Variants in DNER observed in about 807,000 individuals in gnomAD.
DNER encodes delta/notch like EGF repeat containing, also known as delta and Notch-like epidermal growth factor-related receptor.
In DNER, 33 loss-of-function variants were observed where a neutral mutation model predicts 78.2. The ratio of observed to expected loss-of-function variants is 0.42; its 90% confidence interval spans 0.32 to 0.56. The LOEUF (loss-of-function observed/expected upper bound fraction) is 0.56, where lower values mean the gene tolerates loss of function less well. DNER is among the 20% of genes least tolerant of loss of function. DNER has a pLI of 0.11. For synonymous variants in DNER, 417 were observed against 384.8 expected, an observed-to-expected ratio of 1.08 and a Z score of -0.98; for missense variants, 918 against 975.3, an observed-to-expected ratio of 0.94 and a Z score of 0.78.
intron 6 of DNER, among the ~76,000 whole-genome samples, chr2:229,488,501 CGT>C (rs1421311101): frequency 3.9e-5 from 6 of 152,140 alleles, no homozygotes; most frequent in Non-Finnish European, 8.8e-5. Context: ...TGTGTTCTTG[CGT>C]GTGTGTTTTC....
chr2:229,714,273 G>A lies in DNER; in HGVS notation c.151C>T (p.Gln51Ter). Reference protein sequence around the residue: ...PLSAPGPCAAQPCRNGGVCTS... With the variant: ...PLSAPGPCAA Reference sequence around the variant, plus strand: ...CACACACCCCCATTCCGGCAGGGCTGCGCGGCGCACGGCCCGGGCGCAGAC... The same window carrying A: ...CACACACCCCCATTCCGGCAGGGCTACGCGGCGCACGGCCCGGGCGCAGAC... The change falls in exon 1 of 13, where the codon CAG (glutamine) becomes TAG (stop). Residue 51 changes from glutamine (Q) to a stop codon, truncating the protein, a stop_gained. Coordinates refer to ENST00000341772, the MANE Select transcript of DNER (RefSeq NM_139072.4). LOFTEE classifies it high-confidence loss of function. 1 of 1,388,598 alleles carries A rather than the reference G, an allele frequency of 7.2e-7. No homozygotes were observed. The allele number at this position is 1,388,598 out of a possible 1,614,324, so 86.0% of individuals were successfully genotyped here. A position where few individuals can be genotyped will look rare whatever the true frequency, so the allele number is the denominator to read the frequency against.
intron 8 of DNER, among the ~76,000 whole-genome samples, chr2:229,434,238 G>A (rs1307663727): frequency 6.6e-6 from 1 of 152,198 alleles, no homozygotes; most frequent in Non-Finnish European, 1.5e-5. Flanking sequence ...CAGGCACAAT[G>A]CAATCGTGTC....
Position 229,547,110 on chromosome 2 carries a change from A to G in DNER, c.848-18T>C. ...CACAAAACCTAAAAGAAAATGAGGC[A>G]AAAGGAAATTGTCAAGTGTCTCCTC... On this transcript the variant is annotated intron_variant, in intron 4 of 12. Transcript: ENST00000341772. 1.2e-6 allele frequency: 2 copies of G among 1,613,536 alleles called. No individual in the cohort carries two copies. Among genetic ancestry groups the G allele is most frequent in the Admixed American group, 1.7e-5 (1 of 59,996 alleles).
chr2:229,467,748 A>G (rs114602305), intron 7 of DNER, among the ~76,000 whole-genome samples: 3,566 of 152,362 alleles, frequency 0.023, 72 homozygotes, highest in Middle Eastern at 0.048. Flanking sequence ...GAACCATGAT[A>G]TAATATGAAT....
intron 6 of DNER, among the ~76,000 whole-genome samples, chr2:229,509,925 GT>G (rs1695830057): frequency 6.6e-6 from 1 of 152,172 alleles, no homozygotes; most frequent in Non-Finnish European, 1.5e-5. Context: ...GGAATACAGG[GT>G]TATAGAAGAG....
At chr2:229,436,258 T>C (rs1288902409) in intron 8 of DNER, among the ~76,000 whole-genome samples, 2 of 152,332 alleles carry the variant, frequency 1.3e-5, no homozygotes, top group East Asian at 3.9e-4. Context: ...GATCCATACA[T>C]GTTACTGCAA....
At chr2:229,663,714 G>A (rs1699045078) in intron 1 of DNER, among the ~76,000 whole-genome samples, 1 of 152,184 alleles carries the variant, frequency 6.6e-6, no homozygotes, top group Admixed American at 6.5e-5. Flanking sequence ...TGGAAATATG[G>A]CATGAATCCT....
intron 7 of DNER, among the ~76,000 whole-genome samples, chr2:229,472,320 G>A (rs147658854): frequency 9.3e-4 from 141 of 152,302 alleles, no homozygotes; most frequent in South Asian, 7.0e-3. Context: ...AGGTGGTTCC[G>A]TTTGACCAGC....
At chr2:229,493,514 A>G (rs377697831) in intron 6 of DNER, among the ~76,000 whole-genome samples, 2 of 152,296 alleles carry the variant, frequency 1.3e-5, no homozygotes, top group Non-Finnish European at 2.9e-5. Flanking sequence ...GAGGAATAGA[A>G]TTGTTGCTGC....
At chr2:229,554,277 G>A (rs751518195) in intron 4 of DNER, among the ~76,000 whole-genome samples, 2 of 152,198 alleles carry the variant, frequency 1.3e-5, no homozygotes, top group Non-Finnish European at 2.9e-5. Flanking sequence ...GTTCAATTCA[G>A]CCAGGCATGG....
rs565803250 is a variant in DNER, at chr2:229,503,234, G to A, written c.1147+9549C>T. 5.9e-5 allele frequency among the ~76,000 whole-genome samples: 9 copies of A among 152,196 alleles called. No individual in the cohort carries two copies. The East Asian group carries it at 1.5e-3, about 26-fold the overall frequency. On this transcript the variant is annotated intron_variant, in intron 6 of 12. Transcript: ENST00000341772. The stretch of plus-strand genomic sequence containing the variant: ...CAAAACTGGGGCTAAGAGTGAATAC[G>A]GCTCTATTGCCTGGGTGGTAAAAAT...
At chr2:229,462,731 A>C (rs182427355) in intron 7 of DNER, among the ~76,000 whole-genome samples, 1 of 152,284 alleles carries the variant, frequency 6.6e-6, no homozygotes, top group East Asian at 1.9e-4. Flanking sequence ...TCCTAGAATA[A>C]AATTTGACCT....
intron 6 of DNER, among the ~76,000 whole-genome samples, chr2:229,503,003 TA>T (rs1695652827): frequency 6.6e-6 from 1 of 152,228 alleles, no homozygotes; most frequent in African/African-American, 2.4e-5. Flanking sequence ...ATAACAACTA[TA>T]ATTTTTTCTT....
intron 9 of DNER, 53 bp downstream of exon 9, chr2:229,418,054 TA>T (rs1271113714): frequency 1.2e-6 from 2 of 1,613,278 alleles, no homozygotes; most frequent in Non-Finnish European, 1.7e-6. Context: ...CACTGAGAAA[TA>T]CATGACGTCA....
intron 7 of DNER, among the ~76,000 whole-genome samples, chr2:229,458,642 CA>C (rs35248267): frequency 0.39 from 57,775 of 147,552 alleles, 12,918 homozygotes; most frequent in African/African-American, 0.63. Flanking sequence ...AGGGTATATA[CA>C]AAAAAAAAAC....
At chr2:229,365,209 C>T (rs1692317026) in intron 12 of DNER, among the ~76,000 whole-genome samples, 1 of 151,972 alleles carries the variant, frequency 6.6e-6, no homozygotes, top group South Asian at 2.1e-4. Context: ...CAGACGTGTC[C>T]CAAAGGAGCA....
Position 229,575,984 on chromosome 2 carries a change from T to C in DNER, c.847+9874A>G, listed in dbSNP as rs544958752. Among the ~76,000 whole-genome samples the C allele has an allele frequency of 3.3e-5, 5 of 152,322 alleles. No individual in the cohort carries two copies. In the East Asian group the frequency reaches 9.6e-4, roughly 29 times the overall value. ...TAAGCAAATGTGAGCTATAAGAATT[T>C]GATGTAAATTATGCCATTCAGGGAA... On this transcript the variant is annotated intron_variant, in intron 4 of 12. Coordinates refer to ENST00000341772, the MANE Select transcript of DNER (RefSeq NM_139072.4).
chr2:229,619,415 A>T (rs891637186), intron 1 of DNER, among the ~76,000 whole-genome samples: 1 of 152,182 alleles, frequency 6.6e-6, no homozygotes, highest in African/African-American at 2.4e-5. Context: ...CAGCTCAGTG[A>T]TGTAAGTGCA....
chr2:229,613,262 G>A (rs539458806), intron 1 of DNER, among the ~76,000 whole-genome samples: 1 of 152,258 alleles, frequency 6.6e-6, no homozygotes, highest in African/African-American at 2.4e-5. Context: ...AATTACTACA[G>A]CAGCATTTTT....
Sources: allele counts gnomAD v4.1 joint callset (sites outside exome capture counted in the v4.1 genomes callset), GRCh38; gene constraint gnomAD v4.1.1; transcripts MANE v1.5; gene names NCBI Gene and HGNC (gene_info 2026-07-23, HGNC 2026-07-21).